PHLPP1: variants seen among roughly 807,000 people sequenced by gnomAD.
PHLPP1 encodes the protein PH domain leucine-rich repeat-containing protein phosphatase 1.
PHLPP1 carries 42 observed loss-of-function variants against 117.2 expected under a neutral mutation model. The observed-to-expected ratio is 0.36, with a 90% CI of 0.28 to 0.46. PHLPP1 has a LOEUF of 0.46. PHLPP1 is among the 20% of genes least tolerant of loss of function. PHLPP1 has a pLI of 1.00. For missense variants in PHLPP1, 2,084 were observed against 2,241.9 expected, an observed-to-expected ratio of 0.93 and a Z score of 1.42; for synonymous variants, 1,042 against 970.7, an observed-to-expected ratio of 1.07 and a Z score of -1.37.
chr18:62,872,660 C>A (rs553478973), intron 4 of PHLPP1, among the ~76,000 whole-genome samples: 2 of 151,174 alleles, frequency 1.3e-5, no homozygotes, highest in Non-Finnish European at 2.9e-5. Flanking sequence ...CCACTGGACT[C>A]TAGCCTGGGG....
chr18:62,936,929 C>T (rs1909986723), intron 10 of PHLPP1, among the ~76,000 whole-genome samples: 1 of 152,200 alleles, frequency 6.6e-6, no homozygotes, highest in Non-Finnish European at 1.5e-5. Flanking sequence ...TTCTGGAATG[C>T]TTCGGAGACA....
rs751340128 is a variant in PHLPP1, at chr18:62,895,021, T to C, written c.2077T>C (p.Leu693=). The C allele has an allele frequency of 6.2e-7, 1 of 1,607,368 alleles. No homozygotes were observed. The highest frequency in any genetic ancestry group is 2.2e-5 in the East Asian group (1 of 44,796). Residue 693 remains leucine (L), a synonymous_variant, in exon 5 of 17, where the codon TTG becomes CTG. Transcript: ENST00000262719. ...GCTTTATTGTAATAGGTTCACCAAG[T>C]TGAAGAGTCTTAACCTTTCCAATAA... is the stretch of plus-strand genomic sequence containing the variant. ...GLNELQRFTK[L]KSLNLSNNHL...
intron 10 of PHLPP1, among the ~76,000 whole-genome samples, chr18:62,933,122 A>G (rs1297666705): frequency 6.6e-6 from 1 of 152,240 alleles, no homozygotes; most frequent in Non-Finnish European, 1.5e-5. Flanking sequence ...GATGACACAA[A>G]CAAGTGGAAA....
chr18:62,727,963 A>G (rs1202284042), intron 1 of PHLPP1, among the ~76,000 whole-genome samples: 2 of 151,968 alleles, frequency 1.3e-5, no homozygotes, highest in Admixed American at 6.6e-5. Flanking sequence ...TATTGCTTCT[A>G]TGTGTATTTT....
chr18:62,940,724 T>C lies in PHLPP1; in HGVS notation c.2961-994T>C, dbSNP rs553010422. On this transcript the variant is annotated intron_variant, in intron 10 of 16. Coordinates refer to ENST00000262719, the MANE Select transcript of PHLPP1 (RefSeq NM_194449.4). ...GGCAGCAATATATTATCTTGTTTGT[T>C]TGTTTTAATGTAAAATTTATTTAAG... Among the ~76,000 whole-genome samples, 3 of 152,318 alleles carry C rather than the reference T, an allele frequency of 2.0e-5. No individual in the cohort carries two copies. The South Asian group carries it at 6.2e-4, about 32-fold the overall frequency.
chr18:62,717,365 C>CTGATGAG, intron 1 of PHLPP1, 106 bp downstream of exon 1: 1 of 1,415,786 alleles, frequency 7.1e-7, no homozygotes. Context: ...AGTGCGGGTC[C>CTGATGAG]TGATGAGTCT....
chr18:62,843,593 G>A (rs1915106008), intron 3 of PHLPP1, among the ~76,000 whole-genome samples: 2 of 152,192 alleles, frequency 1.3e-5, no homozygotes, highest in Non-Finnish European at 2.9e-5. Context: ...TTTTGGATGT[G>A]TATTAGTGGT....
intron 1 of PHLPP1, chr18:62,825,574 C>T (rs1418851933): frequency 6.6e-6 from 1 of 151,424 alleles, no homozygotes; most frequent in Non-Finnish European, 1.5e-5. Flanking sequence ...AGACTTCTCA[C>T]CTCAACTTCC....
chr18:62,936,779 A>G lies in PHLPP1; in HGVS notation c.2961-4939A>G, dbSNP rs569586170. The stretch of plus-strand genomic sequence containing the variant: ...TTCAAAAACATCAAGGTCATCTAAG[A>G]TAATAAGACTGATTGGAGAAGAAAG... On this transcript the variant is annotated intron_variant, in intron 10 of 16. Coordinates refer to ENST00000262719, the MANE Select transcript of PHLPP1 (RefSeq NM_194449.4). Among the ~76,000 whole-genome samples the G allele has an allele frequency of 3.3e-5, 5 of 152,364 alleles. No homozygotes were observed. In the East Asian group the frequency reaches 9.6e-4, roughly 29 times the overall value.
intron 4 of PHLPP1, among the ~76,000 whole-genome samples, chr18:62,889,084 G>C (rs1291649118): frequency 6.6e-6 from 1 of 152,134 alleles, no homozygotes; most frequent in Non-Finnish European, 1.5e-5. Context: ...GAAGGCTAAG[G>C]GTTAGTTACC....
chr18:62,788,718 C>G (rs886602807), intron 1 of PHLPP1, among the ~76,000 whole-genome samples: 10 of 152,166 alleles, frequency 6.6e-5, no homozygotes, highest in African/African-American at 2.4e-4. Flanking sequence ...TACTGTACAA[C>G]TTGTCTTTTT....
Position 62,975,625 on chromosome 18 carries a change from G to C in PHLPP1, c.3984G>C (p.Glu1328Asp), listed in dbSNP as rs778027755. The change falls in exon 16 of 17, where the codon GAG becomes GAC. Residue 1328 changes from glutamate (E) to aspartate (D), a missense_variant and splice_region_variant. Glu to Asp is a conservative substitution (Grantham distance 45). Around this residue, in one of 2 missense-constraint regions of PHLPP1, gnomAD observed 1,365 missense variants for 1,605.9 expected, o/e 0.85. Transcript: ENST00000262719. ...AACAGCACAAGGCCATTATCACTGAGGTGAGAAAACAGGGGTGTTGCCCAG... is the reference window on the plus strand; with the variant it reads ...AACAGCACAAGGCCATTATCACTGACGTGAGAAAACAGGGGTGTTGCCCAG... ...RIKQHKAIIT[E>D]DGKVNGVTES... The C allele has an allele frequency of 2.5e-6, 4 of 1,598,914 alleles. No individual in the cohort carries two copies. Among genetic ancestry groups the C allele is most frequent in the Non-Finnish European group, 3.4e-6 (4 of 1,166,232 alleles).
At chr18:62,794,385 T>A (rs79171904) in intron 1 of PHLPP1, among the ~76,000 whole-genome samples, 1 of 151,748 alleles carries the variant, frequency 6.6e-6, no homozygotes, top group Non-Finnish European at 1.5e-5. Context: ...TTTTTTTTTT[T>A]AAGGCAGATT....
At chr18:62,865,483 T>C (rs1915750025) in intron 4 of PHLPP1, among the ~76,000 whole-genome samples, 1 of 152,170 alleles carries the variant, frequency 6.6e-6, no homozygotes, top group Non-Finnish European at 1.5e-5. Flanking sequence ...TGTTCTGAGG[T>C]TTGAAATTAT....
chr18:62,786,993 A>T (rs775166139), intron 1 of PHLPP1, among the ~76,000 whole-genome samples: 1 of 152,170 alleles, frequency 6.6e-6, no homozygotes, highest in Non-Finnish European at 1.5e-5. Flanking sequence ...AGAGGCAGGG[A>T]GGTGTAGAAT....
Position 62,797,546 on chromosome 18 carries a change from G to A in PHLPP1, c.1577-32489G>A, listed in dbSNP as rs375357676. On this transcript the variant is annotated intron_variant, in intron 1 of 16. Coordinates refer to ENST00000262719, the MANE Select transcript of PHLPP1 (RefSeq NM_194449.4). ...CGGGGTTGCACTATTACAGATGGAC[G>A]GTCAGGGCAGGCCTTGCTTTGACTT... 2.8e-4 allele frequency among the ~76,000 whole-genome samples: 43 copies of A among 152,278 alleles called. No individual in the cohort carries two copies. In the South Asian group the frequency reaches 7.5e-3, roughly 26 times the overall value.
chr18:62,941,784 G>C lies in PHLPP1; in HGVS notation c.3027G>C (p.Glu1009Asp). ...TTCCTCCAGCCACGCTTTCCGAAGAGACAAACAGTATCTTACAAGAGTTGT... is the reference window on the plus strand; with the variant it reads ...TTCCTCCAGCCACGCTTTCCGAAGACACAAACAGTATCTTACAAGAGTTGT... ...ESLPPATLSE[E>D]TNSILQELYL... The change falls in exon 11 of 17, where the codon GAG (glutamate) becomes GAC (aspartate). Residue 1009 changes from glutamate to aspartate, a missense_variant. Coordinates refer to ENST00000262719, the MANE Select transcript of PHLPP1 (RefSeq NM_194449.4). 1 of 1,613,836 alleles carries C rather than the reference G, an allele frequency of 6.2e-7. No homozygotes were observed. Among genetic ancestry groups the C allele is most frequent in the Non-Finnish European group, 8.5e-7 (1 of 1,179,740 alleles).
At chr18:62,892,648 G>A (rs550949077) in intron 4 of PHLPP1, among the ~76,000 whole-genome samples, 61 of 151,686 alleles carry the variant, frequency 4.0e-4, no homozygotes, top group African/African-American at 1.4e-3. Flanking sequence ...AGGCTGAGGC[G>A]GGCGGATCAC....
chr18:62,857,893 A>G (rs1406246631), intron 3 of PHLPP1, among the ~76,000 whole-genome samples: 1 of 152,204 alleles, frequency 6.6e-6, no homozygotes, highest in Non-Finnish European at 1.5e-5. Flanking sequence ...ATATTTTTGA[A>G]TGAATGATTC....
Sources: allele counts gnomAD v4.1 joint callset (sites outside exome capture counted in the v4.1 genomes callset), GRCh38; gene constraint gnomAD v4.1.1; regional missense constraint gnomAD v4.1.1; transcripts MANE v1.5; gene names NCBI Gene and HGNC (gene_info 2026-07-23, HGNC 2026-07-21).